The following RPS14 variants were observed in gnomAD, a reference collection of about 807,000 sequenced individuals.
The protein encoded by RPS14 is small ribosomal subunit protein uS11.
In RPS14, 1 loss-of-function variant was observed where a neutral mutation model predicts 15.4. The ratio of observed to expected loss-of-function variants is 0.07; its 90% CI spans 0.02 to 0.31. The LOEUF is 0.31. Ranked by LOEUF, RPS14 falls within the 10% of genes least tolerant of loss-of-function variation. RPS14 has a pLI of 1.00. For missense variants in RPS14, 69 were observed against 205.5 expected (o/e 0.34, Z 4.06); for synonymous variants, 68 against 74.4 (o/e 0.91, Z 0.44).
rs1316127627 is a variant in RPS14, at chr5:150,443,282, G to C, written c.*1004C>G. 6.6e-6 allele frequency: 1 copy of C among 151,780 alleles called. No individual in the cohort carries two copies. The highest frequency in any genetic ancestry group is 1.5e-5 in the Non-Finnish European group (1 of 68,002). The allele number at this position is 151,780 out of a possible 1,614,324, so 9.4% of individuals were successfully genotyped here. On this transcript the variant is annotated 3_prime_UTR_variant, in exon 5 of 5. Coordinates refer to ENST00000407193, the MANE Select transcript of RPS14 (RefSeq NM_005617.4). ...CCCATTAACTCGTCATTTAGCATTA[G>C]GTATATCTCCTAATGCTATCCCTCC...
chr5:150,447,276 G>A, intron 2 of RPS14: 1 of 525,916 alleles, frequency 1.9e-6, no homozygotes, highest in East Asian at 3.3e-5. Flanking sequence ...CTTGCTAAAT[G>A]GCCGTCGAAC....
chr5:150,443,655 TA>T lies in RPS14; in HGVS notation c.*630del, dbSNP rs1297181135. The T allele has an allele frequency of 2.6e-5, 4 of 152,254 alleles. No individual in the cohort carries two copies. The highest frequency in any genetic ancestry group is 2.0e-4 in the Admixed American group (3 of 15,270). The allele number at this position is 152,254 out of a possible 1,614,324, so 9.4% of individuals were successfully genotyped here. ...CAGGCACCATCACGGGGCCTTGTGG[TA>T]ATCCCTTGCAAAACGCTGAGTACCA... On this transcript the variant is annotated 3_prime_UTR_variant, in exon 5 of 5. Transcript: ENST00000407193.
chr5:150,447,509 T>C (rs1771135794), intron 2 of RPS14, 76 bp downstream of exon 2: 3 of 1,437,724 alleles, frequency 2.1e-6, no homozygotes, highest in Non-Finnish European at 2.9e-6. Flanking sequence ...GAGAATCCCC[T>C]GAACTGCTAG....
intron 3 of RPS14, 84 bp from the exon 4 acceptor site, chr5:150,445,769 G>A (rs1250512249): frequency 1.9e-6 from 2 of 1,058,046 alleles, no homozygotes; most frequent in South Asian, 1.4e-5. Flanking sequence ...CACCCCGCTA[G>A]TTCAGAGGTC....
At chr5:150,447,546 C>G (rs1771136977) in intron 2 of RPS14, 39 bp downstream of exon 2, 1 of 1,608,396 alleles carries the variant, frequency 6.2e-7, no homozygotes, top group Non-Finnish European at 8.5e-7. Context: ...CCTTCCTCAG[C>G]CTTTTGCCAG....
rs1380597051 is a variant in RPS14 at position 150,445,806 on chromosome 5, AG to A, written c.312-122del. 5 of 769,510 alleles carry A rather than the reference AG, an allele frequency of 6.5e-6. 1 individual carries two copies. The highest frequency in any genetic ancestry group is 5.3e-5 in the African/African-American group (3 of 56,284). The allele number at this position is 769,510 out of a possible 1,614,324, so 47.7% of individuals were successfully genotyped here. On this transcript the variant is annotated intron_variant, in intron 3 of 4. Transcript: ENST00000407193. Reference sequence around the variant, plus strand: ...GCAAACTTTCTGTAAAGAGCCAGACAGGGCTGTACACAGTGGTTCACACCCA... The same window carrying A: ...GCAAACTTTCTGTAAAGAGCCAGACAGGCTGTACACAGTGGTTCACACCCA...
At chr5:150,444,471 C>T (rs1771029191) in intron 4 of RPS14, 118 bp from the exon 5 acceptor site, 2 of 791,230 alleles carry the variant, frequency 2.5e-6, no homozygotes, top group South Asian at 3.0e-5. Context: ...CAAATGACTC[C>T]CCAGTACCTA....
chr5:150,449,186 GGAAA>G (rs1771196882), intron 1 of RPS14: 1 of 152,360 alleles, frequency 6.6e-6, no homozygotes, highest in Non-Finnish European at 1.5e-5. Flanking sequence ...ACTCAGCAAC[GGAAA>G]GAATCGCCCA....
rs1771142450 is a variant in RPS14 at position 150,447,692 on chromosome 5, G to A, written c.42C>T (p.Val14=). ...CAGCCACCTGAGGTCCGAGGCTGAT[G>A]ACCTGTTCTTCCTTCTTTTCCTTCC... The part of the protein sequence containing the change: ...RKGKEKKEEQ[V]ISLGPQVAEG... The change falls in exon 2 of 5, where the codon GTC becomes GTT. Residue 14 remains valine, a synonymous_variant. Coordinates refer to ENST00000407193, the MANE Select transcript of RPS14 (RefSeq NM_005617.4). The A allele has an allele frequency of 6.2e-7, 1 of 1,614,218 alleles. No individual in the cohort carries two copies. The highest frequency in any genetic ancestry group is 1.7e-5 in the Admixed American group (1 of 60,030).
chr5:150,447,416 T>G (rs1445433445), intron 2 of RPS14, 169 bp downstream of exon 2: 3 of 701,976 alleles, frequency 4.3e-6, no homozygotes, highest in Non-Finnish European at 7.6e-6. Context: ...TCTCCTCTCT[T>G]GTAACCCCTG....
At chr5:150,444,374 C>T (rs780148723) in intron 4 of RPS14, 21 bp from the exon 5 acceptor site, 24 of 1,602,252 alleles carry the variant, frequency 1.5e-5, no homozygotes, top group Non-Finnish European at 2.0e-5. Context: ...GAAGAGAAAG[C>T]GTCATTGCCT....
At position 150,444,609 on chromosome 5, in the gene RPS14, A is replaced by C. The variant is rs992516935; in HGVS notation, c.389-256T>G. 4.6e-6 allele frequency: 3 copies of C among 656,594 alleles called. No individual in the cohort carries two copies. In the Admixed American group the frequency reaches 6.2e-5, roughly 14 times the overall value. The allele number at this position is 656,594 out of a possible 1,614,324, so 40.7% of individuals were successfully genotyped here. ...GCAAGATGTCAGAGGCACAGGACAA[A>C]TCCAGGTTCTGACATCTAGCCCACC... On this transcript the variant is annotated intron_variant, in intron 4 of 4. Transcript: ENST00000407193.
chr5:150,445,077 G>A (rs1004018617), intron 4 of RPS14, among the ~76,000 whole-genome samples: 1 of 152,172 alleles, frequency 6.6e-6, no homozygotes, highest in African/African-American at 2.4e-5. Flanking sequence ...GGCCTGGGGC[G>A]TCAGTGTATG....
chr5:150,447,540 C>T (rs774325624), intron 2 of RPS14, 45 bp downstream of exon 2: 1 of 1,603,692 alleles, frequency 6.2e-7, no homozygotes, highest in South Asian at 1.1e-5. Flanking sequence ...CCATTGCCTT[C>T]CTCAGCCTTT....
rs1402414016 is a variant in RPS14, at chr5:150,446,469, C to T, written c.311+333G>A. ...CCAACTCCTTACTTGTGCTTCCTGG[C>T]ATTTGTCACAAATGAAAACCACATA... is the stretch of plus-strand genomic sequence containing the variant. On this transcript the variant is annotated intron_variant, in intron 3 of 4. Coordinates refer to ENST00000407193, the MANE Select transcript of RPS14 (RefSeq NM_005617.4). This position sits in a 1 kb window ranked among gnomAD's most constrained non-coding sequence, Gnocchi z 4.2. 2.6e-5 allele frequency among the ~76,000 whole-genome samples: 4 copies of T among 152,162 alleles called. No homozygotes were observed. Among genetic ancestry groups the T allele is most frequent in the Non-Finnish European group, 5.9e-5 (4 of 68,028 alleles).
chr5:150,448,143 T>C (rs1350330004), intron 1 of RPS14: 1 of 163,038 alleles, frequency 6.1e-6, no homozygotes, highest in Non-Finnish European at 1.3e-5. Flanking sequence ...GATTCCTGCA[T>C]GAACTCCTCA....
Position 150,446,510 on chromosome 5 carries a change from T to C in RPS14, c.311+292A>G, listed in dbSNP as rs761969537. 6.6e-6 allele frequency among the ~76,000 whole-genome samples: 1 copy of C among 152,172 alleles called. No individual in the cohort carries two copies. Among genetic ancestry groups the C allele is most frequent in the East Asian group, 1.9e-4 (1 of 5,202 alleles). On this transcript the variant is annotated intron_variant, in intron 3 of 4. Coordinates refer to ENST00000407193, the MANE Select transcript of RPS14 (RefSeq NM_005617.4). The surrounding 1 kb of genome is among the most constrained non-coding windows in gnomAD (Gnocchi z 4.2). ...AAACCACATACTCCCTGGTGCTCTG[T>C]TGTTTAAAGTCTGACTCTCCCACCA... is the stretch of plus-strand genomic sequence containing the variant.
chr5:150,444,530 T>C, intron 4 of RPS14, 177 bp from the exon 5 acceptor site: 1 of 676,454 alleles, frequency 1.5e-6, no homozygotes, highest in Non-Finnish European at 2.7e-6. Context: ...TTCCTCGAAT[T>C]TCCTGACGTG....
rs1285107831 is a variant in RPS14 at position 150,443,801 on chromosome 5, CT to C, written c.*484del. 6.6e-6 allele frequency: 1 copy of C among 152,260 alleles called. No homozygotes were observed. Among genetic ancestry groups the C allele is most frequent in the Non-Finnish European group, 1.5e-5 (1 of 68,150 alleles). The allele number at this position is 152,260 out of a possible 1,614,324, so 9.4% of individuals were successfully genotyped here. On this transcript the variant is annotated 3_prime_UTR_variant, in exon 5 of 5. Transcript: ENST00000407193. ...TTTGTGGGGTGACAATCTTTATGTA[CT>C]TTATGTACTGATGTGGAACAATCTC...
Sources: gnomAD v4.1 joint callset for allele counts (sites outside exome capture counted in the v4.1 genomes callset) on GRCh38, gnomAD v4.1.1 for gene constraint, Gnocchi (gnomAD v3.1) non-coding constraint, MANE v1.5 for transcripts, NCBI Gene and HGNC (gene_info 2026-07-23, HGNC 2026-07-21) for gene names.